The following NCALD variants were observed in gnomAD, a reference collection of about 807,000 sequenced individuals.
NCALD encodes the protein neurocalcin delta, also known as neurocalcin-delta.
Under a neutral mutation model 18.6 loss-of-function variants are expected in NCALD, and 10 were observed. The observed-to-expected ratio is 0.54, with a 90% CI of 0.33 to 0.91. The LOEUF (loss-of-function observed/expected upper bound fraction) is 0.91, where lower values mean the gene tolerates loss of function less well. Among genes scored for constraint, NCALD ranks in the 40% least tolerant of loss-of-function variants. The pLI, the probability that NCALD is intolerant of heterozygous loss-of-function variation, is 0.03. For synonymous variants in NCALD, 88 were observed against 87.4 expected (o/e 1.01, Z -0.04); for missense variants, 184 against 247.6 (o/e 0.74, Z 1.72).
intron 4 of NCALD, among the ~76,000 whole-genome samples, chr8:101,837,621 C>G (rs948385687): frequency 6.6e-6 from 1 of 152,188 alleles, no homozygotes; most frequent in African/African-American, 2.4e-5. Context: ...CACCATTATT[C>G]TCCACATACA....
intron 2 of NCALD, among the ~76,000 whole-genome samples, chr8:101,933,095 C>G (rs1048151748): frequency 3.3e-5 from 5 of 152,166 alleles, no homozygotes; most frequent in Admixed American, 3.3e-4. Flanking sequence ...TGTGTTTCTA[C>G]CCTGACCTAG....
intron 3 of NCALD, among the ~76,000 whole-genome samples, chr8:101,889,485 T>G (rs1475270349): frequency 6.6e-6 from 1 of 152,208 alleles, no homozygotes; most frequent in Non-Finnish European, 1.5e-5. Context: ...GAACCCATAC[T>G]CTGAATACTA....
intron 1 of NCALD, among the ~76,000 whole-genome samples, chr8:101,737,188 G>A (rs1474797823): frequency 6.6e-6 from 1 of 151,886 alleles, no homozygotes; most frequent in African/African-American, 2.4e-5. Flanking sequence ...GCGCCATCGT[G>A]GCTCACCAGT....
chr8:102,054,701 GATA>G (rs1367611638), intron 1 of NCALD, among the ~76,000 whole-genome samples: 3 of 116,834 alleles, frequency 2.6e-5, no homozygotes, highest in African/African-American at 9.0e-5. Flanking sequence ...TAGATAGATA[GATA>G]GATAGATAGA....
chr8:101,867,827 A>T (rs1815835499), intron 4 of NCALD, among the ~76,000 whole-genome samples: 1 of 152,146 alleles, frequency 6.6e-6, no homozygotes, highest in Admixed American at 6.5e-5. Context: ...CCATCTCTGA[A>T]TTTGACATTG....
intron 3 of NCALD, chr8:101,691,394 AG>A (rs1814723279): frequency 4.1e-6 from 4 of 985,410 alleles, no homozygotes; most frequent in South Asian, 9.4e-5. Flanking sequence ...ATAGCAGCAG[AG>A]TCCCAGTGGA....
At position 101,755,652 on chromosome 8, in the gene NCALD, T is replaced by C. The variant is rs144978323; in HGVS notation, c.-20+35210A>G. Among the ~76,000 whole-genome samples the C allele has an allele frequency of 2.0e-4, 31 of 152,320 alleles. No individual in the cohort carries two copies. The East Asian group carries it at 5.2e-3, about 26-fold the overall frequency. On this transcript the variant is annotated intron_variant, in intron 1 of 3. Transcript: ENST00000220931. Reference sequence around the variant, plus strand: ...AGGCTTGCAGGCAGAAACCAGGGAATAGGTTTTAAAAAGCCAGGGAAATAC... The same window carrying C: ...AGGCTTGCAGGCAGAAACCAGGGAACAGGTTTTAAAAAGCCAGGGAAATAC...
intron 2 of NCALD, among the ~76,000 whole-genome samples, chr8:101,713,985 C>G (rs189919108): frequency 6.6e-6 from 1 of 152,302 alleles, no homozygotes; most frequent in African/African-American, 2.4e-5. Context: ...ATTGATGGAA[C>G]ATACCTTAAA....
chr8:102,105,531 A>T (rs544123395), intron 1 of NCALD, among the ~76,000 whole-genome samples: 9 of 152,350 alleles, frequency 5.9e-5, no homozygotes, highest in Admixed American at 2.6e-4. Flanking sequence ...GCTGAGGGAA[A>T]TTGAAGTCTC....
chr8:101,782,057 G>A (rs997258381), intron 1 of NCALD, among the ~76,000 whole-genome samples: 6 of 102,852 alleles, frequency 5.8e-5, no homozygotes, highest in Non-Finnish European at 1.2e-4. Context: ...TGTCTCAGGG[G>A]TTTCAGTATA....
chr8:101,881,611 C>T (rs954277976), intron 4 of NCALD, among the ~76,000 whole-genome samples: 1 of 152,106 alleles, frequency 6.6e-6, no homozygotes, highest in African/African-American at 2.4e-5. Flanking sequence ...TTGCAGCTGA[C>T]TGAAGTGGAG....
At chr8:101,843,931 T>C (rs1814757720) in intron 4 of NCALD, among the ~76,000 whole-genome samples, 1 of 150,526 alleles carries the variant, frequency 6.6e-6, no homozygotes, top group East Asian at 1.9e-4. Context: ...TATTAAAACA[T>C]AAAATAAAGT....
At chr8:102,114,903 C>T (rs368593548) in intron 1 of NCALD, among the ~76,000 whole-genome samples, 26 of 152,312 alleles carry the variant, frequency 1.7e-4, no homozygotes, top group African/African-American at 5.8e-4. Flanking sequence ...GCAGAGGAAA[C>T]TGGCCTGGTC....
intron 4 of NCALD, among the ~76,000 whole-genome samples, chr8:101,832,020 G>A (rs1230720458): frequency 2.0e-5 from 3 of 152,178 alleles, no homozygotes; most frequent in Non-Finnish European, 4.4e-5. Context: ...AACCAAACCT[G>A]CCTCTGGGTT....
At chr8:101,691,904 T>G in intron 3 of NCALD, 7 of 985,386 alleles carry the variant, frequency 7.1e-6, no homozygotes, top group Non-Finnish European at 8.4e-6. Context: ...TCGGGTGAGC[T>G]GATAATAACA....
intron 1 of NCALD, among the ~76,000 whole-genome samples, chr8:102,100,154 C>T (rs997871416): frequency 2.0e-5 from 3 of 151,950 alleles, no homozygotes; most frequent in Admixed American, 6.6e-5. Flanking sequence ...TTTTCATATT[C>T]CTCATTTATC....
chr8:101,838,529 G>A lies in NCALD; in HGVS notation c.-20+48612C>T, dbSNP rs138508189. Among the ~76,000 whole-genome samples, 527 of 152,296 alleles carry A rather than the reference G, an allele frequency of 3.5e-3. 1 individual carries two copies. The highest frequency in any genetic ancestry group is 5.8e-3 in the Non-Finnish European group (396 of 68,014). On this transcript the variant is annotated intron_variant, in intron 4 of 6. Transcript: ENST00000311028. ...GCCACCGTGCCCAGCCCAGTTAAGT[G>A]TTTCCATCCTGAATATTAATACTTT... is the stretch of plus-strand genomic sequence containing the variant.
At chr8:102,106,445 G>GTATA (rs369201039) in intron 1 of NCALD, among the ~76,000 whole-genome samples, 4,863 of 132,544 alleles carry the variant, frequency 0.037, 140 homozygotes, top group African/African-American at 0.082. Context: ...TTAGCATATA[G>GTATA]TATATATATA....
At chr8:101,786,669 T>TA (rs1812240784) in intron 1 of NCALD, among the ~76,000 whole-genome samples, 1 of 152,150 alleles carries the variant, frequency 6.6e-6, no homozygotes, top group South Asian at 2.1e-4. Flanking sequence ...AATCATCTTT[T>TA]AAAAAAATTC....
Sources: allele counts gnomAD v4.1 joint callset (sites outside exome capture counted in the v4.1 genomes callset), GRCh38; gene constraint gnomAD v4.1.1; transcripts MANE v1.5; gene names NCBI Gene and HGNC (gene_info 2026-07-23, HGNC 2026-07-21).